Variants in TRMU observed in about 807,000 individuals in gnomAD.
TRMU encodes mitochondrial tRNA-specific 2-thiouridylase 1.
Under a neutral mutation model 46.9 loss-of-function variants are expected in TRMU, and 49 were observed. The observed-to-expected ratio is 1.05, with a 90% CI of 0.83 to 1.33. The LOEUF is 1.33. Ranked by LOEUF, TRMU falls within the 40% of genes most tolerant of loss-of-function variation. The pLI is 0.00. For synonymous variants in TRMU, 241 were observed against 200.9 expected (o/e 1.20, Z -1.69); for missense variants, 572 against 532.4 (o/e 1.07, Z -0.73).
intron 7 of TRMU, chr22:46,352,798 T>C (rs578084815): frequency 3.4e-6 from 1 of 291,024 alleles, no homozygotes; most frequent in African/African-American, 2.2e-5. Flanking sequence ...CTTACTGCGG[T>C]GAGGCCTGCG....
chr22:46,344,524 T>C (rs1473419397), intron 3 of TRMU, among the ~76,000 whole-genome samples: 3 of 152,144 alleles, frequency 2.0e-5, no homozygotes, highest in Non-Finnish European at 4.4e-5. Flanking sequence ...AGCAGACAGT[T>C]AGGACTGGCA....
At chr22:46,337,128 T>C (rs939541252) in intron 1 of TRMU, among the ~76,000 whole-genome samples, 1 of 152,232 alleles carries the variant, frequency 6.6e-6, no homozygotes, top group Non-Finnish European at 1.5e-5. Context: ...TCTGTTGTTT[T>C]GGGTACTATA....
In TRMU at chr22:46,355,503, C is replaced by G. The variant is rs377213307; in HGVS notation, c.933C>G (p.His311Gln). 3.1e-6 allele frequency: 5 copies of G among 1,613,292 alleles called. No homozygotes were observed. In the African/African-American group the frequency reaches 6.7e-5, roughly 21 times the overall value. ...YRDLLRTSRVHWIAEEPPAAL... is the reference protein window; with the variant it reads ...YRDLLRTSRVQWIAEEPPAAL... ...ACCTGCTGAGGACCAGCCGCGTGCA[C>G]TGGATTGCGGAGGAGCCTCCCGCAG... is the stretch of plus-strand genomic sequence containing the variant. The change falls in exon 9 of 11, where the codon CAC becomes CAG. Residue 311 changes from histidine to glutamine, a missense_variant. Transcript: ENST00000645190.
chr22:46,355,193 A>G, intron 8 of TRMU: 1 of 602,382 alleles, frequency 1.7e-6, no homozygotes, highest in Non-Finnish European at 2.9e-6. Context: ...CTCGGATCTC[A>G]CCCCTGCCTC....
chr22:46,354,113 A>G (rs1040086446), intron 8 of TRMU: 1 of 452,220 alleles, frequency 2.2e-6, no homozygotes, highest in Non-Finnish European at 4.1e-6. Context: ...ATACACAGAT[A>G]CAGTTTCTCC....
At chr22:46,345,784 C>G (rs765643972) in intron 3 of TRMU, among the ~76,000 whole-genome samples, 3 of 148,706 alleles carry the variant, frequency 2.0e-5, no homozygotes, top group African/African-American at 7.5e-5. Flanking sequence ...TTTTTTCCTC[C>G]TGAGACAGCA....
chr22:46,348,384 C>T lies in TRMU; in HGVS notation c.478+1840C>T, dbSNP rs950548389. Among the ~76,000 whole-genome samples the T allele has an allele frequency of 1.3e-5, 2 of 152,216 alleles. No individual in the cohort carries two copies. The highest frequency in any genetic ancestry group is 4.8e-5 in the African/African-American group (2 of 41,462). ...TTGTGATGGTGCACAGTGTCTTGGC[C>T]TTCACTGGGTTTTGTAGGCACACTA... is the stretch of plus-strand genomic sequence containing the variant. On this transcript the variant is annotated intron_variant, in intron 4 of 10. Coordinates refer to ENST00000645190, the MANE Select transcript of TRMU (RefSeq NM_018006.5). This position sits in a 1 kb window ranked among gnomAD's most constrained non-coding sequence, Gnocchi z 4.8.
Position 46,355,437 on chromosome 22 carries a change from T to G in TRMU, c.874-7T>G. The G allele has an allele frequency of 6.2e-7, 1 of 1,612,728 alleles. No homozygotes were observed. Among genetic ancestry groups the G allele is most frequent in the Non-Finnish European group, 8.5e-7 (1 of 1,179,824 alleles). On this transcript the variant is annotated splice_region_variant and splice_polypyrimidine_tract_variant and intron_variant, in intron 8 of 10. Coordinates refer to ENST00000645190, the MANE Select transcript of TRMU (RefSeq NM_018006.5). ...CGGCGTCCCCACCTTCACATTCCAT[T>G]CTGCAGGCCCCCCGGACAGACCACC...
In TRMU at chr22:46,339,958, G is replaced by A. The variant is rs1268642712; in HGVS notation, c.248+2014G>A. Reference sequence around the variant, plus strand: ...CATAAGAAAAAAAAAAGAGTGTGGCGGCCAAATACAGGATAAATCTGGGGG... The same window carrying A: ...CATAAGAAAAAAAAAAGAGTGTGGCAGCCAAATACAGGATAAATCTGGGGG... On this transcript the variant is annotated intron_variant, in intron 2 of 10. Coordinates refer to ENST00000645190, the MANE Select transcript of TRMU (RefSeq NM_018006.5). This position sits in a 1 kb window ranked among gnomAD's most constrained non-coding sequence, Gnocchi z 4.8. Among the ~76,000 whole-genome samples the A allele has an allele frequency of 1.3e-5, 2 of 151,832 alleles. No individual in the cohort carries two copies. The highest frequency in any genetic ancestry group is 2.1e-4 in the South Asian group (1 of 4,808).
In TRMU at chr22:46,338,122, C is replaced by A; in HGVS notation, c.248+178C>A. ...TCGGGGCTCTGTGTTAGAGGCGAGG[C>A]CTGGACCCCACAGCACACCCAGCTC... is the stretch of plus-strand genomic sequence containing the variant. On this transcript the variant is annotated intron_variant, in intron 2 of 10. Transcript: ENST00000645190. The surrounding 1 kb of genome is among the most constrained non-coding windows in gnomAD (Gnocchi z 4.5). 1.3e-6 allele frequency: 1 copy of A among 772,714 alleles called. No homozygotes were observed. The allele number at this position is 772,714 out of a possible 1,614,324, so 47.9% of individuals were successfully genotyped here. A position where few individuals can be genotyped will look rare whatever the true frequency, so the allele number is the denominator to read the frequency against.
intron 10 of TRMU, 160 bp downstream of exon 10, chr22:46,356,232 C>A: frequency 1.4e-6 from 1 of 710,300 alleles, no homozygotes; most frequent in South Asian, 1.7e-5. Flanking sequence ...CCTGGGGGCT[C>A]CTCCCACAGT....
At chr22:46,353,990 G>A (rs755041487) in intron 8 of TRMU, 123 bp downstream of exon 8, 10 of 862,690 alleles carry the variant, frequency 1.2e-5, no homozygotes, top group Non-Finnish European at 1.9e-5. Flanking sequence ...GACTAACTCT[G>A]TTCCTGTCCT....
Position 46,338,878 on chromosome 22 carries a change from A to G in TRMU, c.248+934A>G, listed in dbSNP as rs536910607. ...GGCTGCCCCTGCCTGAGTGGGCTTT[A>G]GGGGCAGAAGAGCCTTGGGTTGAGT... On this transcript the variant is annotated intron_variant, in intron 2 of 10. Transcript: ENST00000645190. The surrounding 1 kb of genome is among the most constrained non-coding windows in gnomAD (Gnocchi z 4.5). Among the ~76,000 whole-genome samples, 1 of 152,252 alleles carries G rather than the reference A, an allele frequency of 6.6e-6. No individual in the cohort carries two copies. Among genetic ancestry groups the G allele is most frequent in the East Asian group, 1.9e-4 (1 of 5,172 alleles).
In TRMU at chr22:46,349,318, CAT is replaced by C. The variant is rs1442560678; in HGVS notation, c.479-970_479-969del. ...TCCACCTGCATCACTTTGGGCGAGT[CAT>C]ATGTGATGAACTGGGCCGGCTCCAG... On this transcript the variant is annotated intron_variant, in intron 4 of 10. Coordinates refer to ENST00000645190, the MANE Select transcript of TRMU (RefSeq NM_018006.5). This position sits in a 1 kb window ranked among gnomAD's most constrained non-coding sequence, Gnocchi z 4.6. Among the ~76,000 whole-genome samples, 2 of 152,172 alleles carry C rather than the reference CAT, an allele frequency of 1.3e-5. No homozygotes were observed. The highest frequency in any genetic ancestry group is 4.8e-5 in the African/African-American group (2 of 41,442).
intron 7 of TRMU, chr22:46,353,398 A>G (rs114483563): frequency 0.021 from 7,091 of 330,500 alleles, 117 homozygotes; most frequent in Non-Finnish European, 0.029. Context: ...TTAGATGGAC[A>G]CTGTGAAGAC....
Position 46,356,620 on chromosome 22 carries a change from A to C in TRMU, c.1102-222A>C, listed in dbSNP as rs567382484. ...AGAGGCCCCTGTGACTGTCCCACTC[A>C]GGGAGAGGTACCCTGAAGACCCTCC... is the stretch of plus-strand genomic sequence containing the variant. On this transcript the variant is annotated intron_variant, in intron 10 of 10. Coordinates refer to ENST00000645190, the MANE Select transcript of TRMU (RefSeq NM_018006.5). 3 of 585,400 alleles carry C rather than the reference A, an allele frequency of 5.1e-6. No individual in the cohort carries two copies. The African/African-American group carries it at 5.6e-5, about 11-fold the overall frequency. 36.3% of individuals were successfully genotyped at this position (585,400 alleles called of 1,614,324 possible).
chr22:46,345,324 C>T (rs796368007), intron 3 of TRMU, among the ~76,000 whole-genome samples: 21 of 152,292 alleles, frequency 1.4e-4, no homozygotes, highest in East Asian at 9.7e-4. Flanking sequence ...CCACCCACAT[C>T]GGCCTCCTAA....
Position 46,342,190 on chromosome 22 carries a change from T to G in TRMU, c.249-1072T>G, listed in dbSNP as rs748004444. ...CGAAAGTATGGGCCTCTAGAACTTA[T>G]GACCAACTGGCTTCCAGTTGGGATT... is the stretch of plus-strand genomic sequence containing the variant. On this transcript the variant is annotated intron_variant, in intron 2 of 10. Coordinates refer to ENST00000645190, the MANE Select transcript of TRMU (RefSeq NM_018006.5). This position sits in a 1 kb window ranked among gnomAD's most constrained non-coding sequence, Gnocchi z 4.7. Among the ~76,000 whole-genome samples the G allele has an allele frequency of 6.6e-6, 1 of 152,258 alleles. No homozygotes were observed. The highest frequency in any genetic ancestry group is 2.4e-5 in the African/African-American group (1 of 41,470).
At chr22:46,337,724 C>G in intron 1 of TRMU, 55 bp from the exon 2 acceptor site, 1 of 1,606,018 alleles carries the variant, frequency 6.2e-7, no homozygotes, top group South Asian at 1.1e-5. Flanking sequence ...AAATCACTGC[C>G]GTTTTACCGA....
Sources: gnomAD v4.1 joint callset for allele counts (sites outside exome capture counted in the v4.1 genomes callset) on GRCh38, gnomAD v4.1.1 for gene constraint, Gnocchi (gnomAD v3.1) non-coding constraint, MANE v1.5 for transcripts, NCBI Gene and HGNC (gene_info 2026-07-23, HGNC 2026-07-21) for gene names.